PTPRT: variants seen among roughly 807,000 people sequenced by gnomAD.
The protein encoded by PTPRT is receptor-type tyrosine-protein phosphatase T.
PTPRT carries 56 observed loss-of-function variants against 176.8 expected under a neutral mutation model. That is an observed-to-expected ratio of 0.32 (90% CI 0.26 to 0.40). The LOEUF (loss-of-function observed/expected upper bound fraction) is 0.40, where lower values mean the gene tolerates loss of function less well. Ranked by LOEUF, PTPRT falls within the 10% of genes least tolerant of loss-of-function variation. The pLI is 1.00. For missense variants in PTPRT, 1,540 were observed against 1,908.2 expected, an observed-to-expected ratio of 0.81 and a Z score of 3.60; for synonymous variants, 783 against 739.0, an observed-to-expected ratio of 1.06 and a Z score of -0.96.
At chr20:42,969,616 A>C (rs1015053050) in intron 1 of PTPRT, 2 of 152,230 alleles carry the variant, frequency 1.3e-5, no homozygotes, top group African/African-American at 4.8e-5. Flanking sequence ...ACCCTGATTT[A>C]AGAATTCTGA....
intron 12 of PTPRT, among the ~76,000 whole-genome samples, chr20:42,294,576 C>T (rs148212841): frequency 6.6e-6 from 1 of 152,052 alleles, no homozygotes; most frequent in East Asian, 1.9e-4. Flanking sequence ...TCGTATAAGC[C>T]ACTTTAAATC....
the PTPRT span, among the ~76,000 whole-genome samples, chr20:42,045,140 C>G: frequency 4.8e-4 from 73 of 152,254 alleles, no homozygotes; most frequent in African/African-American, 1.7e-3. Flanking sequence ...CCATCTGCAA[C>G]TTTAATTTTC....
intron 7 of PTPRT, among the ~76,000 whole-genome samples, chr20:42,506,910 G>A (rs1192484135): frequency 2.0e-5 from 3 of 152,074 alleles, no homozygotes; most frequent in Admixed American, 2.0e-4. Context: ...ATATGGTAAG[G>A]AAAATGTCCT....
intron 1 of PTPRT, among the ~76,000 whole-genome samples, chr20:43,186,853 A>G (rs2015406860): frequency 6.6e-6 from 1 of 152,226 alleles, no homozygotes; most frequent in Non-Finnish European, 1.5e-5. Context: ...CATTGCTAAC[A>G]ATTGCAATTG....
At chr20:43,119,550 T>C (rs2013180587) in intron 1 of PTPRT, among the ~76,000 whole-genome samples, 1 of 152,188 alleles carries the variant, frequency 6.6e-6, no homozygotes, top group African/African-American at 2.4e-5. Context: ...TACTGGTGTT[T>C]AGAAGGGTGA....
At chr20:43,073,492 C>T (rs530092399) in intron 1 of PTPRT, among the ~76,000 whole-genome samples, 66 of 150,810 alleles carry the variant, frequency 4.4e-4, no homozygotes, top group African/African-American at 1.6e-3. Flanking sequence ...CACACACACA[C>T]ACGTGTGCTA....
chr20:42,999,446 G>T (rs1021785155), intron 1 of PTPRT, among the ~76,000 whole-genome samples: 1 of 151,518 alleles, frequency 6.6e-6, no homozygotes, highest in Admixed American at 6.6e-5. Flanking sequence ...AGTGGTGGGG[G>T]TGGGGAATAA....
At chr20:42,354,760 A>T (rs2058334637) in intron 9 of PTPRT, among the ~76,000 whole-genome samples, 1 of 152,224 alleles carries the variant, frequency 6.6e-6, no homozygotes. Context: ...CTTCAAAAAT[A>T]AGCAATTTGC....
intron 16 of PTPRT, among the ~76,000 whole-genome samples, chr20:42,163,093 A>C (rs1313083446): frequency 2.6e-5 from 4 of 152,200 alleles, no homozygotes; most frequent in Middle Eastern, 3.4e-3. Flanking sequence ...GTAGGGGATA[A>C]ATTTTTCACT....
chr20:42,258,272 C>T (rs1407579096), intron 13 of PTPRT, among the ~76,000 whole-genome samples: 1 of 152,158 alleles, frequency 6.6e-6, no homozygotes, highest in Admixed American at 6.5e-5. Flanking sequence ...GTATCCTATT[C>T]TAATATCTAA....
At chr20:42,049,594 A>G in the PTPRT span, among the ~76,000 whole-genome samples, 1 of 152,194 alleles carries the variant, frequency 6.6e-6, no homozygotes, top group Admixed American at 6.5e-5. Context: ...AAATTCCCTC[A>G]TTCCCCAGGG....
At chr20:42,868,007 T>C (rs2078779308) in intron 2 of PTPRT, among the ~76,000 whole-genome samples, 1 of 152,180 alleles carries the variant, frequency 6.6e-6, no homozygotes, top group Admixed American at 6.5e-5. Flanking sequence ...TTGTGGCATT[T>C]TGTTACAGCA....
chr20:42,176,298 T>C lies in PTPRT; in HGVS notation c.2492-14756A>G, dbSNP rs370547587. ...TTTGGTGAGGATATCATGATCTCTA[T>C]TTCCTGCCTCAGTTCCATTTGCCTT... On this transcript the variant is annotated intron_variant, in intron 16 of 30. Coordinates refer to ENST00000373187, the MANE Select transcript of PTPRT (RefSeq NM_007050.6). Among the ~76,000 whole-genome samples, 18 of 152,324 alleles carry C rather than the reference T, an allele frequency of 1.2e-4. No individual in the cohort carries two copies. In the East Asian group the frequency reaches 3.3e-3, roughly 28 times the overall value.
At chr20:42,453,859 C>T (rs1208158351) in intron 8 of PTPRT, among the ~76,000 whole-genome samples, 13 of 150,108 alleles carry the variant, frequency 8.7e-5, no homozygotes, top group African/African-American at 2.7e-4. Flanking sequence ...TTTTGAGACC[C>T]GGCTAATTTT....
At chr20:42,411,656 T>A (rs1031145359) in intron 9 of PTPRT, among the ~76,000 whole-genome samples, 1 of 151,258 alleles carries the variant, frequency 6.6e-6, no homozygotes, top group Non-Finnish European at 1.5e-5. Flanking sequence ...TTACTACAGA[T>A]CTTTGAGATA....
At chr20:42,998,115 C>A (rs959144709) in intron 1 of PTPRT, among the ~76,000 whole-genome samples, 4 of 152,102 alleles carry the variant, frequency 2.6e-5, no homozygotes, top group African/African-American at 7.2e-5. Flanking sequence ...AAAGCTACCC[C>A]CTCTATGGAA....
chr20:43,087,089 A>C (rs907929801), intron 1 of PTPRT, among the ~76,000 whole-genome samples: 1 of 152,202 alleles, frequency 6.6e-6, no homozygotes, highest in African/African-American at 2.4e-5. Flanking sequence ...AGTCCCTGGC[A>C]ACCATGAATC....
intron 7 of PTPRT, among the ~76,000 whole-genome samples, chr20:42,479,827 T>C (rs1294294603): frequency 6.6e-6 from 1 of 152,232 alleles, no homozygotes. Flanking sequence ...GAAACATTTC[T>C]GGTTCAATCA....
intron 1 of PTPRT, among the ~76,000 whole-genome samples, chr20:43,107,881 G>A (rs1207327126): frequency 4.6e-5 from 7 of 152,252 alleles, no homozygotes; most frequent in Admixed American, 2.0e-4. Context: ...CCTTTAAAAT[G>A]TCAGAGATCA....
Sources: allele counts gnomAD v4.1 joint callset (sites outside exome capture counted in the v4.1 genomes callset), GRCh38; gene constraint gnomAD v4.1.1; transcripts MANE v1.5; gene names NCBI Gene and HGNC (gene_info 2026-07-23, HGNC 2026-07-21).